The following HDAC5 variants were observed in gnomAD, a reference collection of about 807,000 sequenced individuals.
The protein encoded by HDAC5 is histone deacetylase 5.
HDAC5 carries 25 observed loss-of-function variants against 133.3 expected under a neutral mutation model. The ratio of observed to expected loss-of-function variants is 0.19; its 90% CI spans 0.14 to 0.26. The LOEUF is 0.26. HDAC5 is among the 10% of genes least tolerant of loss of function. The probability of loss-of-function intolerance (pLI) is 1.00; values close to 1 mark genes in which losing one functional copy is unlikely to be tolerated. For missense variants in HDAC5, 1,041 were observed against 1,460.5 expected, an observed-to-expected ratio of 0.71 and a Z score of 4.68; for synonymous variants, 589 against 610.8, an observed-to-expected ratio of 0.96 and a Z score of 0.53.
At chr17:44,095,484 G>C (rs1459936605) in intron 3 of HDAC5, among the ~76,000 whole-genome samples, 1 of 151,998 alleles carries the variant, frequency 6.6e-6, no homozygotes, top group Admixed American at 6.6e-5. Context: ...TCCCTATCTG[G>C]GGCAGACTGG....
At chr17:44,108,294 C>G (rs553005691) in intron 3 of HDAC5, among the ~76,000 whole-genome samples, 42 of 152,274 alleles carry the variant, frequency 2.8e-4, no homozygotes, top group African/African-American at 9.9e-4. Flanking sequence ...GAGGTCCAGG[C>G]CCCAGAATAG....
chr17:44,109,283 C>T lies in HDAC5; in HGVS notation c.94+1446G>A, dbSNP rs2052187246. The stretch of plus-strand genomic sequence containing the variant: ...CCAGAGGCTGTGGGCTAGGGGCCAG[C>T]AGGCAGGGTCTTTAGCTGGACCTGT... On this transcript the variant is annotated intron_variant, in intron 3 of 26. Transcript: ENST00000682912. 1.3e-5 allele frequency among the ~76,000 whole-genome samples: 2 copies of T among 152,186 alleles called. 1 individual carries two copies. Among genetic ancestry groups the T allele is most frequent in the Admixed American group, 1.3e-4 (2 of 15,290 alleles).
Position 44,088,398 on chromosome 17 carries a change from G to T in HDAC5, c.1588C>A (p.Gln530Lys), listed in dbSNP as rs140119927. 4.3e-4 allele frequency: 669 copies of T among 1,552,914 alleles called. No homozygotes were observed. Among genetic ancestry groups the T allele is most frequent in the Non-Finnish European group, 5.7e-4 (652 of 1,148,996 alleles). The stretch of plus-strand genomic sequence containing the variant: ...CTTTCCAGGCTCACCTTGCCCAGCT[G>T]TAGCTGCTGCTGCTTCTGCTTCTCC... ...FLEKQKQQQL[Q>K]LGKILTKTGE... Residue 530 changes from glutamine to lysine, a missense_variant, in exon 12 of 27, where the codon CAG becomes AAG. Gln to Lys is a moderately conservative substitution (Grantham distance 53). Transcript: ENST00000682912.
chr17:44,123,225 G>A, intron 1 of HDAC5: 1 of 273,612 alleles, frequency 3.7e-6, no homozygotes, highest in Non-Finnish European at 6.8e-6. Context: ...TGGGGGCGCA[G>A]GGCGCGAGAA....
At position 44,121,101 on chromosome 17, in the gene HDAC5, GAA is replaced by G. The variant is rs35741759; in HGVS notation, c.-190+2401_-190+2402del. On this transcript the variant is annotated intron_variant, in intron 1 of 26. Coordinates refer to ENST00000682912, the MANE Select transcript of HDAC5 (RefSeq NM_005474.5). ...CAGATGGAGGAGGCTGCTATTTCTA[GAA>G]AAAAAAAAAAAAAAAAAAAGAGAGG... 7.8e-3 allele frequency among the ~76,000 whole-genome samples: 681 copies of G among 87,834 alleles called. 12 individuals are homozygous for G. Among genetic ancestry groups the G allele is most frequent in the South Asian group, 0.027 (66 of 2,412 alleles). 57.6% of individuals were successfully genotyped at this position (87,834 alleles called of 152,430 possible).
rs575519974 is a variant in HDAC5, at chr17:44,088,630, T to C, written c.1388-32A>G. The C allele has an allele frequency of 3.8e-6, 6 of 1,595,600 alleles. No individual in the cohort carries two copies. The African/African-American group carries it at 4.0e-5, about 11-fold the overall frequency. On this transcript the variant is annotated intron_variant, in intron 11 of 26. Coordinates refer to ENST00000682912, the MANE Select transcript of HDAC5 (RefSeq NM_005474.5). ...AGTTGGGGGTGATGACTAAGCACCA[T>C]TGTCAGGGCACCTGACTGCCCTCCC...
At chr17:44,110,134 T>C (rs1228892577) in intron 3 of HDAC5, among the ~76,000 whole-genome samples, 2 of 152,238 alleles carry the variant, frequency 1.3e-5, no homozygotes, top group East Asian at 3.8e-4. Flanking sequence ...GGGAGACAGC[T>C]AGGGGCTAAG....
chr17:44,111,348 G>A (rs770311942), intron 2 of HDAC5: 1 of 331,468 alleles, frequency 3.0e-6, no homozygotes, highest in South Asian at 2.4e-5. Flanking sequence ...GCCCCATGGG[G>A]GGGGAGGCGG....
At chr17:44,080,328 G>A (rs550032880) in intron 22 of HDAC5, 73 bp downstream of exon 22, 16 of 1,553,634 alleles carry the variant, frequency 1.0e-5, no homozygotes, top group Admixed American at 6.7e-5. Context: ...ACTGAACTGA[G>A]TGCCTTCTGC....
In HDAC5 at chr17:44,117,709, G is replaced by A; in HGVS notation, c.-189-5C>T. On this transcript the variant is annotated splice_polypyrimidine_tract_variant and splice_region_variant and intron_variant, in intron 1 of 26. Transcript: ENST00000682912. The surrounding 1 kb of genome is among the most constrained non-coding windows in gnomAD (Gnocchi z 4.2). ...CAGGCACTCAGAACGGCATCCCTGG[G>A]GAGAGATGGAGCAGGGTTAGAGGCC... 1.6e-6 allele frequency: 1 copy of A among 638,386 alleles called. No homozygotes were observed. Among genetic ancestry groups the A allele is most frequent in the South Asian group, 1.7e-5 (1 of 57,198 alleles). The allele number at this position is 638,386 out of a possible 1,614,324, so 39.5% of individuals were successfully genotyped here.
rs147805310 is a variant in HDAC5, at chr17:44,091,459, C to T, written c.1198G>A (p.Glu400Lys). The change falls in exon 11 of 27, where the codon GAG becomes AAG. Residue 400 changes from glutamate (E) to lysine (K), a missense_variant. Physicochemically the swap from Glu to Lys is moderately conservative, Grantham distance 56. Transcript: ENST00000682912. ...SPKLSTQQEA[E>K]RQALQSLRQG... ...CGCAGGGACTGGAGGGCCTGCCTCTCGGCCTCCTGCTGTGTCGACAGCTTC... is the reference window on the plus strand; with the variant it reads ...CGCAGGGACTGGAGGGCCTGCCTCTTGGCCTCCTGCTGTGTCGACAGCTTC... The T allele has an allele frequency of 8.1e-5, 125 of 1,543,996 alleles. No homozygotes were observed. The highest frequency in any genetic ancestry group is 1.0e-4 in the Non-Finnish European group (115 of 1,146,686).
At chr17:44,096,076 T>C (rs1410688870) in intron 3 of HDAC5, among the ~76,000 whole-genome samples, 2 of 152,060 alleles carry the variant, frequency 1.3e-5, no homozygotes, top group Non-Finnish European at 2.9e-5. Flanking sequence ...TGCCCTGTGG[T>C]TGCCAGGACA....
rs1597971368 is a variant in HDAC5, at chr17:44,093,394, T to C, written c.446A>G (p.Gln149Arg). ...QELEQQRQRE[Q>R]QRQEELEKQR... The stretch of plus-strand genomic sequence containing the variant: ...CTTCTCCAGCTCTTCCTGCCGCTGC[T>C]GCTCCCGCTGCCGCTGCTGCTCCAG... Residue 149 changes from glutamine to arginine, a missense_variant, in exon 5 of 27, where the codon CAG (glutamine) becomes CGG (arginine). Coordinates refer to ENST00000682912, the MANE Select transcript of HDAC5 (RefSeq NM_005474.5). The C allele has an allele frequency of 6.3e-7, 1 of 1,590,084 alleles. No individual in the cohort carries two copies. Among genetic ancestry groups the C allele is most frequent in the Non-Finnish European group, 8.5e-7 (1 of 1,170,676 alleles).
intron 5 of HDAC5, 31 bp downstream of exon 5, chr17:44,093,283 C>A: frequency 1.3e-6 from 2 of 1,580,856 alleles, no homozygotes; most frequent in South Asian, 2.3e-5. Context: ...ACGGGCGGGG[C>A]CCTACGAGGT....
At chr17:44,123,070 C>T (rs1040507564) in intron 1 of HDAC5, among the ~76,000 whole-genome samples, 1 of 152,218 alleles carries the variant, frequency 6.6e-6, no homozygotes, top group African/African-American at 2.4e-5. Flanking sequence ...GACAGCACCC[C>T]TCACCTCAGA....
rs2051891274 is a variant in HDAC5, at chr17:44,105,694, T to C, written c.94+5035A>G. Among the ~76,000 whole-genome samples, 3 of 152,332 alleles carry C rather than the reference T, an allele frequency of 2.0e-5. No individual in the cohort carries two copies. In the South Asian group the frequency reaches 6.2e-4, roughly 32 times the overall value. On this transcript the variant is annotated intron_variant, in intron 3 of 26. Coordinates refer to ENST00000682912, the MANE Select transcript of HDAC5 (RefSeq NM_005474.5). ...TGGCGGCTGGAAACATCCTCTCTCC[T>C]GACTGACAGGCGGCTGGGAGTTGGA...
At chr17:44,099,599 T>C (rs1052109217) in intron 3 of HDAC5, among the ~76,000 whole-genome samples, 3 of 151,842 alleles carry the variant, frequency 2.0e-5, no homozygotes, top group African/African-American at 7.3e-5. Flanking sequence ...CTCAGCCTCC[T>C]GAGTAGCTGG....
intron 3 of HDAC5, among the ~76,000 whole-genome samples, chr17:44,101,485 C>A (rs2051606175): frequency 6.6e-6 from 1 of 151,220 alleles, no homozygotes; most frequent in Non-Finnish European, 1.5e-5. Context: ...GGGAGGGGAC[C>A]CAAGGGGCGT....
intron 16 of HDAC5, among the ~76,000 whole-genome samples, chr17:44,084,311 G>T (rs546890503): frequency 6.6e-6 from 1 of 152,150 alleles, no homozygotes; most frequent in African/African-American, 2.4e-5. Flanking sequence ...AAGCCGTGGA[G>T]GAGGGGAACA....
Sources: allele counts gnomAD v4.1 joint callset (sites outside exome capture counted in the v4.1 genomes callset), GRCh38; gene constraint gnomAD v4.1.1; non-coding constraint Gnocchi (gnomAD v3.1); transcripts MANE v1.5; gene names NCBI Gene and HGNC (gene_info 2026-07-23, HGNC 2026-07-21).